The following PCDH15 variants were observed in gnomAD, a reference collection of about 807,000 sequenced individuals.
The protein encoded by PCDH15 is protocadherin-15.
PCDH15 carries 129 observed loss-of-function variants against 178.5 expected under a neutral mutation model. The ratio of observed to expected loss-of-function variants is 0.72; its 90% CI spans 0.63 to 0.84. The LOEUF is 0.84. PCDH15 is among the 40% of genes least tolerant of loss of function. PCDH15 has a pLI of 0.00. For synonymous variants in PCDH15, 800 were observed against 732.0 expected (o/e 1.09, Z -1.50); for missense variants, 2,230 against 2,099.9 (o/e 1.06, Z -1.21).
intron 3 of PCDH15, among the ~76,000 whole-genome samples, chr10:54,853,305 A>G (rs962847298): frequency 1.8e-4 from 22 of 121,606 alleles, no homozygotes; most frequent in Non-Finnish European, 2.6e-4. Context: ...ATATATATAT[A>G]TATATATATA....
At chr10:54,807,850 A>G (rs1952803061) in intron 3 of PCDH15, among the ~76,000 whole-genome samples, 1 of 151,410 alleles carries the variant, frequency 6.6e-6, no homozygotes, top group Non-Finnish European at 1.5e-5. Flanking sequence ...TTAGGCTGTA[A>G]ATTATAGAAT....
chr10:54,265,878 A>C (rs11004190), intron 8 of PCDH15, among the ~76,000 whole-genome samples: 106,836 of 151,784 alleles, frequency 0.7, 38,511 homozygotes, highest in Middle Eastern at 0.77. Flanking sequence ...TCGAGGCAGA[A>C]ATCTAAACAA....
intron 2 of PCDH15, among the ~76,000 whole-genome samples, chr10:54,972,056 C>T (rs893873603): frequency 1.2e-4 from 19 of 152,186 alleles, no homozygotes; most frequent in South Asian, 4.1e-4. Context: ...TTGCTTTAGC[C>T]GTAGACTGTT....
chr10:54,097,917 T>C (rs966269740), intron 15 of PCDH15, among the ~76,000 whole-genome samples: 2 of 152,134 alleles, frequency 1.3e-5, no homozygotes, highest in Non-Finnish European at 2.9e-5. Flanking sequence ...ATAAACTAAG[T>C]CCAGGAAACT....
In PCDH15 at chr10:55,275,883, A is replaced by G. The variant is rs147858654; in HGVS notation, c.-156+43716T>C. On this transcript the variant is annotated intron_variant, in intron 1 of 5. Transcript: ENST00000458638. ...GATGACTACACAATATTTATTCTTT[A>G]TTTCTACCCAATAATGAGGTATATA... 2.2e-4 allele frequency among the ~76,000 whole-genome samples: 34 copies of G among 151,464 alleles called. No homozygotes were observed. The East Asian group carries it at 5.4e-3, about 24-fold the overall frequency.
In PCDH15 at chr10:55,081,917, C is replaced by T. The variant is rs1480819065; in HGVS notation, c.-80+84659G>A. 3.3e-5 allele frequency among the ~76,000 whole-genome samples: 5 copies of T among 152,170 alleles called. No homozygotes were observed. The East Asian group carries it at 9.7e-4, about 29-fold the overall frequency. On this transcript the variant is annotated intron_variant, in intron 2 of 5. Coordinates refer to the PCDH15 transcript ENST00000458638. ...TGAACCAAGTACTGGAGCACCCAGA[C>T]ATATAAAGCAAAAATTATTAGAGCT...
At chr10:55,375,940 T>C (rs1026094397) in intron 2 of PCDH15, among the ~76,000 whole-genome samples, 3 of 152,030 alleles carry the variant, frequency 2.0e-5, no homozygotes. Flanking sequence ...AATACTATGT[T>C]AATAAATATG....
chr10:54,325,518 G>A (rs1937779860), intron 7 of PCDH15, among the ~76,000 whole-genome samples: 2 of 152,074 alleles, frequency 1.3e-5, no homozygotes, highest in African/African-American at 4.8e-5. Flanking sequence ...GGAGGCTGAG[G>A]TGAGTGAATT....
At chr10:54,022,805 AT>A in intron 19 of PCDH15, 86 bp downstream of exon 19, 1 of 1,314,404 alleles carries the variant, frequency 7.6e-7, no homozygotes, top group Non-Finnish European at 1.1e-6. Flanking sequence ...GGTATGTTGT[AT>A]TGTTACTTGC....
chr10:54,989,049 C>T (rs762124348), intron 2 of PCDH15, among the ~76,000 whole-genome samples: 2 of 152,172 alleles, frequency 1.3e-5, no homozygotes, highest in African/African-American at 2.4e-5. Context: ...TGAAAGTGGC[C>T]AACATAGAGC....
intron 2 of PCDH15, among the ~76,000 whole-genome samples, chr10:54,957,058 T>A (rs1194150686): frequency 6.6e-6 from 1 of 151,680 alleles, no homozygotes; most frequent in Non-Finnish European, 1.5e-5. Flanking sequence ...CTATTTGTGT[T>A]ACAGTTCTGC....
chr10:55,263,768 T>C (rs1273684509), intron 1 of PCDH15, among the ~76,000 whole-genome samples: 3 of 152,170 alleles, frequency 2.0e-5, no homozygotes, highest in African/African-American at 7.2e-5. Flanking sequence ...GGAGTCTCAC[T>C]CTGTCGTCTG....
chr10:54,838,111 A>C (rs1953349530), intron 3 of PCDH15, among the ~76,000 whole-genome samples: 1 of 152,038 alleles, frequency 6.6e-6, no homozygotes, highest in African/African-American at 2.4e-5. Flanking sequence ...GTCGAACGAC[A>C]GTACTTGACG....
chr10:54,781,531 G>A (rs2133411714), intron 1 of PCDH15, among the ~76,000 whole-genome samples: 1 of 152,144 alleles, frequency 6.6e-6, no homozygotes, highest in African/African-American at 2.4e-5. Context: ...TTATAAAATT[G>A]ATACTCTACA....
At chr10:54,784,168 A>T (rs1950624091) in intron 1 of PCDH15, among the ~76,000 whole-genome samples, 1 of 152,038 alleles carries the variant, frequency 6.6e-6, no homozygotes, top group South Asian at 2.1e-4. Flanking sequence ...TGAGGGTTAT[A>T]GGGATTATGA....
chr10:55,429,351 C>T (rs1391724030), intron 2 of PCDH15, among the ~76,000 whole-genome samples: 2 of 152,054 alleles, frequency 1.3e-5, no homozygotes, highest in African/African-American at 4.8e-5. Context: ...AATGATAGGA[C>T]ACTAGTAATA....
chr10:54,477,658 G>GCAAT (rs1168728485), intron 3 of PCDH15, among the ~76,000 whole-genome samples: 3 of 152,200 alleles, frequency 2.0e-5, no homozygotes, highest in South Asian at 4.1e-4. Flanking sequence ...GTGCAGGGAT[G>GCAAT]CAATCTTGGC....
chr10:55,504,363 T>A lies in PCDH15; in HGVS notation c.-156+123262A>T, dbSNP rs541041890. Among the ~76,000 whole-genome samples the A allele has an allele frequency of 1.2e-3, 188 of 151,594 alleles. 2 individuals are homozygous for A. The highest frequency in any genetic ancestry group is 4.3e-3 in the African/African-American group (178 of 41,486). ...GTTAATTATTTGAAAATATGTTGGA[T>A]ATATTTCATTATTTTTAAAAATAAC... On this transcript the variant is annotated intron_variant, in intron 2 of 5. Transcript: ENST00000613346.
chr10:53,809,272 T>C (rs759852377), intron 37 of PCDH15: 1 of 1,614,006 alleles, frequency 6.2e-7, no homozygotes, highest in Non-Finnish European at 8.5e-7. Flanking sequence ...TACAGTGCTT[T>C]CTGTTGCTTC....
Sources: gnomAD v4.1 joint callset for allele counts (sites outside exome capture counted in the v4.1 genomes callset) on GRCh38, gnomAD v4.1.1 for gene constraint, MANE v1.5 for transcripts, NCBI Gene and HGNC (gene_info 2026-07-23, HGNC 2026-07-21) for gene names.